Variants in TRPM3 observed in about 807,000 individuals in gnomAD.
TRPM3 encodes the protein transient receptor potential cation channel subfamily M member 3, also known as long transient receptor potential channel 3.
Under a neutral mutation model 181.2 loss-of-function variants are expected in TRPM3, and 77 were observed. The observed-to-expected ratio is 0.42, with a 90% CI of 0.35 to 0.51. TRPM3 has a LOEUF of 0.51. Ranked by LOEUF, TRPM3 falls within the 20% of genes least tolerant of loss-of-function variation. The pLI, the probability that TRPM3 is intolerant of heterozygous loss-of-function variation, is 0.01. For synonymous variants in TRPM3, 745 were observed against 796.4 expected (o/e 0.94, Z 1.09); for missense variants, 1,759 against 2,196.7 (o/e 0.80, Z 3.98).
intron 9 of TRPM3, among the ~76,000 whole-genome samples, chr9:70,669,079 C>A (rs532293768): frequency 6.6e-6 from 1 of 152,320 alleles, no homozygotes; most frequent in East Asian, 1.9e-4. Flanking sequence ...ACGAGAAAGT[C>A]ACAGAGCACA....
Position 71,302,154 on chromosome 9 carries a change from CTG to C in TRPM3, c.183+144497_183+144498del, listed in dbSNP as rs544516499. On this transcript the variant is annotated intron_variant, in intron 1 of 24. Transcript: ENST00000357533. ...GGTTTTTAAATTACTTTCTATGAAACTGTAGTTTAAAAAATTTACACATTTGA... is the reference window on the plus strand; with the variant it reads ...GGTTTTTAAATTACTTTCTATGAAACTAGTTTAAAAAATTTACACATTTGA... 6.3e-3 allele frequency among the ~76,000 whole-genome samples: 954 copies of C among 151,224 alleles called. 12 individuals carry two copies. The highest frequency in any genetic ancestry group is 0.022 in the African/African-American group (912 of 41,388).
intron 1 of TRPM3, among the ~76,000 whole-genome samples, chr9:71,043,229 A>T (rs1326086429): frequency 6.6e-6 from 1 of 152,130 alleles, no homozygotes; most frequent in Non-Finnish European, 1.5e-5. Context: ...AGAGCTTCAA[A>T]CCTTGCTATA....
In TRPM3 at chr9:70,863,049, C is replaced by G. The variant is rs758661531; in HGVS notation, c.321G>C (p.Gln107His). 31 of 1,613,626 alleles carry G rather than the reference C, an allele frequency of 1.9e-5. No homozygotes were observed. Among genetic ancestry groups the G allele is most frequent in the Non-Finnish European group, 2.5e-5 (30 of 1,179,724 alleles). Residue 107 changes from glutamine (Q) to histidine (H), a missense_variant, in exon 3 of 26, where the codon CAG becomes CAC. Gln to His is a conservative substitution (Grantham distance 24). Around this residue, in one of 8 missense-constraint regions of TRPM3, gnomAD observed 737 missense variants for 957.4 expected, o/e 0.77. Transcript: ENST00000677713. ...VGLTPSISVL[Q>H]NEKNESRLSR... is the part of the protein sequence containing the mutation. ...AGAGGCGACTTTCATTTTTCTCATT[C>G]TGAAGCACGGAGATACTGGGGGTGA...
chr9:70,936,924 T>C (rs2096833966), intron 1 of TRPM3, among the ~76,000 whole-genome samples: 1 of 151,992 alleles, frequency 6.6e-6, no homozygotes, highest in East Asian at 1.9e-4. Flanking sequence ...CAAAAAACCA[T>C]ACAAAAAACA....
intron 8 of TRPM3, among the ~76,000 whole-genome samples, chr9:70,699,702 CTAAAG>C (rs1447296376): frequency 1.3e-5 from 2 of 151,978 alleles, no homozygotes; most frequent in Non-Finnish European, 2.9e-5. Context: ...GGCTTTCTTG[CTAAAG>C]TAAAACACTG....
intron 1 of TRPM3, among the ~76,000 whole-genome samples, chr9:71,118,103 C>A (rs2072826804): frequency 6.6e-6 from 1 of 152,098 alleles, no homozygotes; most frequent in Non-Finnish European, 1.5e-5. Flanking sequence ...AAGAATAAAG[C>A]AAACGACAAC....
chr9:71,006,890 A>T (rs1235172879), intron 1 of TRPM3, among the ~76,000 whole-genome samples: 1 of 128,384 alleles, frequency 7.8e-6, no homozygotes, highest in Non-Finnish European at 1.7e-5. Context: ...AAAAAAATAC[A>T]AAATTAGGTG....
intron 1 of TRPM3, among the ~76,000 whole-genome samples, chr9:71,134,000 T>TGCGCGC (rs1453099233): frequency 1.9e-5 from 2 of 106,234 alleles, no homozygotes; most frequent in African/African-American, 6.5e-5. Context: ...TGTGTGTGTG[T>TGCGCGC]GTGTGTGTGT....
intron 1 of TRPM3, among the ~76,000 whole-genome samples, chr9:71,334,283 C>A (rs2090411618): frequency 6.6e-6 from 1 of 151,580 alleles, no homozygotes; most frequent in African/African-American, 2.4e-5. Flanking sequence ...TGTGTTTCTA[C>A]AGAATACTAA....
chr9:70,531,128 C>G lies in TRPM3; in HGVS notation c.*4825G>C, dbSNP rs1159059689. ...CTCTCATCTCCGGCTTAGCAATTTG[C>G]ACCCAGTAGCTCTGAAGAATCAGAA... On this transcript the variant is annotated 3_prime_UTR_variant, in exon 26 of 26. Coordinates refer to ENST00000677713, the MANE Select transcript of TRPM3 (RefSeq NM_001366145.2). 1 of 152,230 alleles carries G rather than the reference C, an allele frequency of 6.6e-6. No individual in the cohort carries two copies. 9.4% of individuals were successfully genotyped at this position (152,230 alleles called of 1,614,324 possible).
chr9:70,787,763 C>CTTTTTTTTTTTTTTTTTTTGTT (rs2084049973), intron 6 of TRPM3, among the ~76,000 whole-genome samples: 3 of 68,556 alleles, frequency 4.4e-5, no homozygotes, highest in African/African-American at 1.8e-4. Flanking sequence ...TTTTTGGATT[C>CTTTTTTTTTTTTTTTTTTTGTT]TTTTTTTTTT....
At chr9:70,977,803 T>A (rs961879278) in intron 1 of TRPM3, among the ~76,000 whole-genome samples, 1 of 152,208 alleles carries the variant, frequency 6.6e-6, no homozygotes, top group African/African-American at 2.4e-5. Flanking sequence ...AACAGCCAGA[T>A]GGAAGTGATG....
At chr9:71,141,288 C>T (rs1189603187) in intron 1 of TRPM3, among the ~76,000 whole-genome samples, 1 of 152,088 alleles carries the variant, frequency 6.6e-6, no homozygotes, top group Non-Finnish European at 1.5e-5. Flanking sequence ...ATATCTCTAG[C>T]TGGATGTGGT....
At chr9:71,213,737 C>A (rs904708589) in intron 1 of TRPM3, among the ~76,000 whole-genome samples, 1 of 152,104 alleles carries the variant, frequency 6.6e-6, no homozygotes, top group African/African-American at 2.4e-5. Flanking sequence ...TTACAAAGAT[C>A]CCAAATTTTC....
chr9:71,018,474 T>C (rs1351876743), intron 1 of TRPM3, among the ~76,000 whole-genome samples: 2 of 151,684 alleles, frequency 1.3e-5, no homozygotes, highest in African/African-American at 4.8e-5. Flanking sequence ...ATCTTGTAAA[T>C]GTAAAAATGG....
chr9:70,841,979 C>G (rs1341114945), intron 5 of TRPM3, among the ~76,000 whole-genome samples: 2 of 151,806 alleles, frequency 1.3e-5, no homozygotes, highest in African/African-American at 2.4e-5. Flanking sequence ...ACGATGTTCA[C>G]TATTCAGGTG....
intron 1 of TRPM3, among the ~76,000 whole-genome samples, chr9:71,215,035 A>AAC (rs2079761670): frequency 6.5e-5 from 2 of 30,814 alleles, no homozygotes; most frequent in South Asian, 1.5e-3. Context: ...CCAAAAAACA[A>AAC]AAAAAAAAAA....
chr9:71,214,955 C>T (rs984074014), intron 1 of TRPM3, among the ~76,000 whole-genome samples: 2 of 148,342 alleles, frequency 1.3e-5, no homozygotes, highest in African/African-American at 4.9e-5. Flanking sequence ...GAAGCCTCTT[C>T]ACTACTGTCA....
chr9:70,668,588 C>T (rs1248250564), intron 9 of TRPM3, among the ~76,000 whole-genome samples: 3 of 148,562 alleles, frequency 2.0e-5, no homozygotes, highest in Non-Finnish European at 3.0e-5. Flanking sequence ...TGGTGTGAAC[C>T]CGGGAGGCGG....
Sources: gnomAD v4.1 joint callset for allele counts (sites outside exome capture counted in the v4.1 genomes callset) on GRCh38, gnomAD v4.1.1 for gene constraint, gnomAD v4.1.1 regional missense constraint, MANE v1.5 for transcripts, NCBI Gene and HGNC (gene_info 2026-07-23, HGNC 2026-07-21) for gene names.